SPTB: variants seen among roughly 807,000 people sequenced by gnomAD.
The protein encoded by SPTB is spectrin beta, erythrocytic.
A neutral mutation model predicts 256.2 loss-of-function variants in SPTB; 45 were observed. The observed-to-expected ratio is 0.18, with a 90% CI of 0.14 to 0.23. The LOEUF is 0.23. SPTB is among the 10% of genes least tolerant of loss of function. The pLI, the probability that SPTB is intolerant of heterozygous loss-of-function variation, is 1.00. For missense variants in SPTB, 2,715 were observed against 3,040.4 expected (o/e 0.89, Z 2.52); for synonymous variants, 1,231 against 1,243.1 (o/e 0.99, Z 0.21).
intron 1 of SPTB, among the ~76,000 whole-genome samples, chr14:64,840,968 A>G (rs2083597587): frequency 1.3e-5 from 2 of 152,358 alleles, no homozygotes; most frequent in Admixed American, 1.3e-4. Context: ...TCAGGAAGGT[A>G]ATTTAAACAT....
chr14:64,794,638 A>G (rs757093308), intron 12 of SPTB, 21 bp from the exon 13 acceptor site: 3 of 1,611,968 alleles, frequency 1.9e-6, no homozygotes, highest in Non-Finnish European at 2.5e-6. Context: ...GAACAGCAGA[A>G]AGGAAATGAG....
In SPTB at chr14:64,841,226, C is replaced by T. The variant is rs1033361736; in HGVS notation, c.-51-18081G>A. Among the ~76,000 whole-genome samples, 3 of 152,094 alleles carry T rather than the reference C, an allele frequency of 2.0e-5. No homozygotes were observed. Among genetic ancestry groups the T allele is most frequent in the Non-Finnish European group, 4.4e-5 (3 of 68,008 alleles). ...GAGGCTTAGAGGGTTCAGTGACTTG[C>T]CCCAGTACATCAGCCTGTAAATGAC... On this transcript the variant is annotated intron_variant, in intron 1 of 35. Coordinates refer to ENST00000644917, the MANE Select transcript of SPTB (RefSeq NM_001355436.2). This position sits in a 1 kb window ranked among gnomAD's most constrained non-coding sequence, Gnocchi z 4.6.
At chr14:64,861,883 A>T (rs1341683235) in intron 1 of SPTB, among the ~76,000 whole-genome samples, 1 of 152,126 alleles carries the variant, frequency 6.6e-6, no homozygotes, top group East Asian at 1.9e-4. Flanking sequence ...CTCAAAGCTG[A>T]ATTTCCACGG....
Position 64,793,854 on chromosome 14 carries a change from A to G in SPTB, c.1809T>C (p.Cys603=). 6.2e-7 allele frequency: 1 copy of G among 1,605,532 alleles called. No homozygotes were observed. Among genetic ancestry groups the G allele is most frequent in the African/African-American group, 1.3e-5 (1 of 74,934 alleles). The change falls in exon 14 of 36, where the codon TGT becomes TGC. Residue 603 remains cysteine, a synonymous_variant. Coordinates refer to ENST00000644917, the MANE Select transcript of SPTB (RefSeq NM_001355436.2). The surrounding 1 kb of genome is among the most constrained non-coding windows in gnomAD (Gnocchi z 7.0). The stretch of plus-strand genomic sequence containing the variant: ...TGCGGTCCTGGATGACCTGGGGGTC[A>G]CAAGGCTGGTACCCTGGAAGAAATA... ...KFTEGKGYQP[C]DPQVIQDRIS...
chr14:64,772,992 C>T lies in SPTB; in HGVS notation c.5179-38G>A. The T allele has an allele frequency of 6.3e-7, 1 of 1,588,698 alleles. No homozygotes were observed. Among genetic ancestry groups the T allele is most frequent in the Non-Finnish European group, 8.5e-7 (1 of 1,171,022 alleles). ...CAGACAGAAATGTGGTTATGGGGGG[C>T]ACAGGGGTTACAGGTGTCACCAGCT... On this transcript the variant is annotated intron_variant, in intron 25 of 35. Coordinates refer to ENST00000644917, the MANE Select transcript of SPTB (RefSeq NM_001355436.2). This position sits in a 1 kb window ranked among gnomAD's most constrained non-coding sequence, Gnocchi z 5.4.
rs1594756053 is a variant in SPTB, at chr14:64,769,803, G to C, written c.5799-75C>G. 15 of 1,596,110 alleles carry C rather than the reference G, an allele frequency of 9.4e-6. No homozygotes were observed. The African/African-American group carries it at 1.3e-4, about 14-fold the overall frequency. On this transcript the variant is annotated intron_variant, in intron 27 of 35. Transcript: ENST00000644917. ...CTGCCTCTGTGTCCCAACCAGAGGGGCCCACCTCCCCCTGCCTGTGGGAGT... is the reference window on the plus strand; with the variant it reads ...CTGCCTCTGTGTCCCAACCAGAGGGCCCCACCTCCCCCTGCCTGTGGGAGT...
chr14:64,778,432 GT>G lies in SPTB; in HGVS notation c.4563+724del, dbSNP rs2082399591. Among the ~76,000 whole-genome samples the G allele has an allele frequency of 6.6e-6, 1 of 152,142 alleles. No homozygotes were observed. The highest frequency in any genetic ancestry group is 2.4e-5 in the African/African-American group (1 of 41,418). ...GAGCATGCAGAGGGAGGGTCTCTCTGTCCAAGAAGGGTCTGTGGCCATTCCC... is the reference window on the plus strand; with the variant it reads ...GAGCATGCAGAGGGAGGGTCTCTCTGCCAAGAAGGGTCTGTGGCCATTCCC... On this transcript the variant is annotated intron_variant, in intron 22 of 35. Transcript: ENST00000644917. This position sits in a 1 kb window ranked among gnomAD's most constrained non-coding sequence, Gnocchi z 5.2.
chr14:64,858,274 G>A (rs1350256141), intron 1 of SPTB, among the ~76,000 whole-genome samples: 1 of 152,224 alleles, frequency 6.6e-6, no homozygotes, highest in African/African-American at 2.4e-5. Context: ...ATGGAGTAAA[G>A]AGGCTGCTGC....
chr14:64,762,785 C>A (rs946832353), intron 32 of SPTB, among the ~76,000 whole-genome samples: 8 of 152,342 alleles, frequency 5.3e-5, no homozygotes, highest in Admixed American at 2.0e-4. Flanking sequence ...GAGGGGGCAC[C>A]CAGCAGCTGC....
rs373875753 is a variant in SPTB at position 64,793,131 on chromosome 14, C to T, written c.2532G>A (p.Leu844=). The T allele has an allele frequency of 6.2e-7, 1 of 1,614,018 alleles. No individual in the cohort carries two copies. Among genetic ancestry groups the T allele is most frequent in the African/African-American group, 1.3e-5 (1 of 74,944 alleles). ...VAQADLRQQR[L]QEALDLYTVF... ...CCGTGTACAGGTCCAGGGCTTCCTG[C>T]AGCCTCTGCTGACGCAGGTCCGCCT... is the stretch of plus-strand genomic sequence containing the variant. The change falls in exon 14 of 36, where the codon CTG becomes CTA. Residue 844 remains leucine (L), a synonymous_variant. Transcript: ENST00000644917. The surrounding 1 kb of genome is among the most constrained non-coding windows in gnomAD (Gnocchi z 7.0).
At position 64,749,525 on chromosome 14, in the gene SPTB, C is replaced by T; in HGVS notation, c.6820-52G>A. The T allele has an allele frequency of 6.3e-7, 1 of 1,598,474 alleles. No homozygotes were observed. Among genetic ancestry groups the T allele is most frequent in the Non-Finnish European group, 8.5e-7 (1 of 1,177,578 alleles). The stretch of plus-strand genomic sequence containing the variant: ...TCTGGAGGCCCACAGCCCCCCACCT[C>T]CCGGGCCAGGCAACAATGGTGGGGG... On this transcript the variant is annotated intron_variant, in intron 35 of 35. Transcript: ENST00000644917. The surrounding 1 kb of genome is among the most constrained non-coding windows in gnomAD (Gnocchi z 4.7).
chr14:64,779,801 G>T lies in SPTB; in HGVS notation c.4397C>A (p.Pro1466His). The change falls in exon 21 of 36, where the codon CCC becomes CAC. Residue 1466 changes from proline to histidine, a missense_variant. Around this residue, in one of 4 missense-constraint regions of SPTB, gnomAD observed 2,239 missense variants for 2,384.4 expected, o/e 0.94. Transcript: ENST00000644917. This position sits in a 1 kb window ranked among gnomAD's most constrained non-coding sequence, Gnocchi z 4.2. ...CAGCTGCTTCTTCCTCCTTCCTAGG[G>T]GTTCCAGGAGGTCCAGGAACCGCTT... ...IEKRFLDLLE[P>H]LGRRKKQLES... 6.2e-7 allele frequency: 1 copy of T among 1,614,006 alleles called. No individual in the cohort carries two copies. The highest frequency in any genetic ancestry group is 8.5e-7 in the Non-Finnish European group (1 of 1,180,010).
At chr14:64,834,925 CA>C (rs2083500724) in intron 1 of SPTB, among the ~76,000 whole-genome samples, 1 of 152,170 alleles carries the variant, frequency 6.6e-6, no homozygotes. Context: ...GAATGGTTTC[CA>C]TCCATACATA....
In SPTB at chr14:64,784,408, A is replaced by T; in HGVS notation, c.3856-15T>A. 1 of 1,613,974 alleles carries T rather than the reference A, an allele frequency of 6.2e-7. No homozygotes were observed. The highest frequency in any genetic ancestry group is 1.1e-5 in the South Asian group (1 of 91,080). ...CAGAGAGTGAGCTGTGTGCATAAAG[A>T]GTGGGCTGACTATCCCTGAGTATAT... On this transcript the variant is annotated splice_polypyrimidine_tract_variant and intron_variant, in intron 18 of 35. Transcript: ENST00000644917.
At chr14:64,819,786 AGTTG>A (rs1007624701) in intron 2 of SPTB, among the ~76,000 whole-genome samples, 37 of 152,112 alleles carry the variant, frequency 2.4e-4, no homozygotes, top group African/African-American at 8.9e-4. Flanking sequence ...GAATGTCTGA[AGTTG>A]GGAAAAGAGA....
rs1303363587 is a variant in SPTB, at chr14:64,824,344, C to G, written c.-51-1199G>C. Among the ~76,000 whole-genome samples, 1 of 152,028 alleles carries G rather than the reference C, an allele frequency of 6.6e-6. No homozygotes were observed. The highest frequency in any genetic ancestry group is 1.5e-5 in the Non-Finnish European group (1 of 68,006). ...AAAGTCCTGAAGGTAAGAAAGAACA[C>G]AGAAAGCTTTGAGAACTTTAAGAAG... On this transcript the variant is annotated intron_variant, in intron 1 of 35. Coordinates refer to ENST00000644917, the MANE Select transcript of SPTB (RefSeq NM_001355436.2). This position sits in a 1 kb window ranked among gnomAD's most constrained non-coding sequence, Gnocchi z 5.7.
chr14:64,760,926 C>G lies in SPTB; in HGVS notation c.6345+5800G>C, dbSNP rs2082084419. Among the ~76,000 whole-genome samples, 1 of 152,218 alleles carries G rather than the reference C, an allele frequency of 6.6e-6. No homozygotes were observed. The highest frequency in any genetic ancestry group is 6.5e-5 in the Admixed American group (1 of 15,276). The stretch of plus-strand genomic sequence containing the variant: ...CTAATTCTCCTGCAAGAGAGGAGAC[C>G]TGTATCCTCACTCCAGAGGAAAGCA... On this transcript the variant is annotated intron_variant, in intron 32 of 35. Transcript: ENST00000644917. The surrounding 1 kb of genome is among the most constrained non-coding windows in gnomAD (Gnocchi z 4.3).
intron 32 of SPTB, chr14:64,757,497 T>C (rs920345423): frequency 6.6e-6 from 1 of 152,282 alleles, no homozygotes; most frequent in Non-Finnish European, 1.5e-5. Flanking sequence ...GGTTTTCCAA[T>C]GTATGCAAAG....
At chr14:64,798,254 T>G (rs2082814618) in intron 9 of SPTB, among the ~76,000 whole-genome samples, 1 of 152,132 alleles carries the variant, frequency 6.6e-6, no homozygotes, top group African/African-American at 2.4e-5. Context: ...AGTTCCTTAT[T>G]AAGTGAGTCA....
Sources: gnomAD v4.1 joint callset for allele counts (sites outside exome capture counted in the v4.1 genomes callset) on GRCh38, gnomAD v4.1.1 for gene constraint, gnomAD v4.1.1 regional missense constraint, Gnocchi (gnomAD v3.1) non-coding constraint, MANE v1.5 for transcripts, NCBI Gene and HGNC (gene_info 2026-07-23, HGNC 2026-07-21) for gene names.